Variants in CELF4 observed in about 807,000 individuals in gnomAD.
CELF4 encodes the protein CUG-BP- and ETR-3-like factor 4.
A neutral mutation model predicts 59.9 loss-of-function variants in CELF4; 18 were observed. The ratio of observed to expected loss-of-function variants is 0.30; its 90% CI spans 0.21 to 0.45. CELF4 has a LOEUF of 0.45. CELF4 is among the 20% of genes least tolerant of loss of function. CELF4 has a pLI of 1.00. For missense variants in CELF4, 456 were observed against 689.0 expected, an observed-to-expected ratio of 0.66 and a Z score of 3.79; for synonymous variants, 261 against 267.1, an observed-to-expected ratio of 0.98 and a Z score of 0.22.
intron 2 of CELF4, among the ~76,000 whole-genome samples, chr18:37,461,273 G>A (rs1236074545): frequency 2.0e-5 from 3 of 152,196 alleles, no homozygotes; most frequent in African/African-American, 7.2e-5. Flanking sequence ...TGCTAATAAA[G>A]ACATACCTAA....
intron 10 of CELF4, among the ~76,000 whole-genome samples, chr18:37,261,064 A>G (rs552392940): frequency 2.7e-5 from 4 of 150,760 alleles, no homozygotes; most frequent in African/African-American, 7.3e-5. Flanking sequence ...CCAGCTCCCC[A>G]TACCCTCCCT....
At chr18:37,312,110 C>CAAAAAAAAAAAAAAAAA (rs59872500) in intron 3 of CELF4, among the ~76,000 whole-genome samples, 27 of 50,492 alleles carry the variant, frequency 5.3e-4, no homozygotes, top group African/African-American at 8.0e-4. Context: ...GATTCCGTCT[C>CAAAAAAAAAAAAAAAAA]AAAAAAAAAA....
chr18:37,406,383 C>G (rs558075388), intron 2 of CELF4, among the ~76,000 whole-genome samples: 3 of 152,130 alleles, frequency 2.0e-5, no homozygotes, highest in African/African-American at 7.2e-5. Context: ...TAAAAACATG[C>G]CTTCTACGGG....
At chr18:37,517,691 A>G (rs2099952344) in intron 1 of CELF4, among the ~76,000 whole-genome samples, 1 of 151,984 alleles carries the variant, frequency 6.6e-6, no homozygotes, top group African/African-American at 2.4e-5. Flanking sequence ...TTCACTGTCA[A>G]GTCTGGGAAA....
chr18:37,407,162 T>C (rs1385058148), intron 2 of CELF4, among the ~76,000 whole-genome samples: 3 of 152,194 alleles, frequency 2.0e-5, no homozygotes, highest in Admixed American at 6.5e-5. Context: ...GAGAGGATGA[T>C]ATTATCTGCA....
At chr18:37,409,000 C>T (rs183211227) in intron 2 of CELF4, among the ~76,000 whole-genome samples, 51 of 152,278 alleles carry the variant, frequency 3.3e-4, no homozygotes, top group East Asian at 1.2e-3. Flanking sequence ...GTGCTTAGAA[C>T]GTATGGGTTG....
chr18:37,354,892 C>T (rs963708778), intron 2 of CELF4, among the ~76,000 whole-genome samples: 2 of 152,226 alleles, frequency 1.3e-5, no homozygotes, highest in Non-Finnish European at 2.9e-5. Context: ...GGAAGTAGCA[C>T]TTAGGCCTCA....
At chr18:37,428,672 T>C (rs2099629293) in intron 2 of CELF4, among the ~76,000 whole-genome samples, 1 of 152,186 alleles carries the variant, frequency 6.6e-6, no homozygotes, top group Non-Finnish European at 1.5e-5. Context: ...GTACCAACTT[T>C]AAATCAGCAC....
intron 2 of CELF4, among the ~76,000 whole-genome samples, chr18:37,415,327 C>T (rs956583015): frequency 6.6e-6 from 1 of 152,202 alleles, no homozygotes; most frequent in Non-Finnish European, 1.5e-5. Context: ...TCCAGCCTAG[C>T]TATCTATTAG....
At chr18:37,464,468 G>A (rs1439055776) in intron 2 of CELF4, among the ~76,000 whole-genome samples, 1 of 152,210 alleles carries the variant, frequency 6.6e-6, no homozygotes, top group African/African-American at 2.4e-5. Context: ...GCCCCTGGCT[G>A]GGGCTGCATG....
chr18:37,508,769 G>T (rs1335753175), intron 1 of CELF4, among the ~76,000 whole-genome samples: 2 of 152,224 alleles, frequency 1.3e-5, no homozygotes, highest in Non-Finnish European at 2.9e-5. Flanking sequence ...TTCCTTTCTA[G>T]CTGGGGAAGC....
intron 2 of CELF4, among the ~76,000 whole-genome samples, chr18:37,437,598 G>A (rs140947696): frequency 1.9e-3 from 296 of 152,280 alleles, no homozygotes; most frequent in African/African-American, 7.0e-3. Context: ...TAAGGCATTA[G>A]AGTGGCTGCC....
rs919740578 is a variant in CELF4, at chr18:37,546,558, A to C, written c.286+18798T>G. Among the ~76,000 whole-genome samples the C allele has an allele frequency of 2.6e-5, 4 of 152,218 alleles. 1 individual carries two copies. The South Asian group carries it at 8.3e-4, about 32-fold the overall frequency. Reference sequence around the variant, plus strand: ...GAGGGAAAGGGTCGGGCTCTGCCAGATAGCAAGTCCCAGGATAAGGGAGCT... The same window carrying C: ...GAGGGAAAGGGTCGGGCTCTGCCAGCTAGCAAGTCCCAGGATAAGGGAGCT... On this transcript the variant is annotated intron_variant, in intron 1 of 12. Transcript: ENST00000420428.
chr18:37,535,092 G>A (rs190975320), intron 1 of CELF4, among the ~76,000 whole-genome samples: 149 of 152,304 alleles, frequency 9.8e-4, no homozygotes, highest in Middle Eastern at 3.4e-3. Flanking sequence ...CCTGGCTGCC[G>A]TGTGGCCTCG....
chr18:37,433,395 G>A (rs754940292), intron 2 of CELF4, among the ~76,000 whole-genome samples: 1 of 152,076 alleles, frequency 6.6e-6, no homozygotes, highest in Non-Finnish European at 1.5e-5. Context: ...TCTTCTCTGT[G>A]GGGTCATCAT....
intron 2 of CELF4, among the ~76,000 whole-genome samples, chr18:37,450,783 C>T (rs1051302596): frequency 1.3e-5 from 2 of 152,174 alleles, no homozygotes; most frequent in Non-Finnish European, 2.9e-5. Context: ...TCGGTGGTAC[C>T]TGTCACTCCT....
rs201978132 is a variant in CELF4, at chr18:37,414,242, C to CTATG, written c.369+71282_369+71283insCATA. Among the ~76,000 whole-genome samples the CTATG allele has an allele frequency of 2.3e-3, 331 of 143,834 alleles. 1 individual carries two copies. Among genetic ancestry groups the CTATG allele is most frequent in the Non-Finnish European group, 4.1e-3 (263 of 64,754 alleles). The allele number at this position is 143,834 out of a possible 152,430, so 94.4% of individuals were successfully genotyped here. On this transcript the variant is annotated intron_variant, in intron 2 of 12. Transcript: ENST00000420428. Reference sequence around the variant, plus strand: ...TCTATCTATCTATCTATCTATCTATCTATCCATCCATTCATACTTGCATAC... The same window carrying CTATG: ...TCTATCTATCTATCTATCTATCTATCTATGTATCCATCCATTCATACTTGCATAC...
At chr18:37,381,421 C>A (rs1215639511) in intron 2 of CELF4, among the ~76,000 whole-genome samples, 1 of 152,156 alleles carries the variant, frequency 6.6e-6, no homozygotes, top group Non-Finnish European at 1.5e-5. Flanking sequence ...GAGTTCTGAA[C>A]TCCCAGAATG....
chr18:37,321,932 G>T, intron 2 of CELF4, 51 bp from the exon 3 acceptor site: 2 of 1,473,938 alleles, frequency 1.4e-6, no homozygotes, highest in Non-Finnish European at 1.9e-6. Flanking sequence ...CGGGTGAGGG[G>T]ACAGACACCC....
Sources: allele counts gnomAD v4.1 joint callset (sites outside exome capture counted in the v4.1 genomes callset), GRCh38; gene constraint gnomAD v4.1.1; transcripts MANE v1.5; gene names NCBI Gene and HGNC (gene_info 2026-07-23, HGNC 2026-07-21).